AK7: variants seen among roughly 807,000 people sequenced by gnomAD.
AK7 encodes adenylate kinase 7.
AK7 carries 78 observed loss-of-function variants against 96.6 expected under a neutral mutation model. That is an observed-to-expected ratio of 0.81 (90% CI 0.67 to 0.97). The LOEUF is 0.97. Ranked by LOEUF, AK7 falls within the 50% of genes least tolerant of loss-of-function variation. AK7 has a pLI of 0.00. For synonymous variants in AK7, 302 were observed against 317.2 expected (o/e 0.95, Z 0.51); for missense variants, 855 against 887.9 (o/e 0.96, Z 0.47).
At chr14:96,432,176 C>T (rs1892386365) in intron 5 of AK7, among the ~76,000 whole-genome samples, 2 of 148,464 alleles carry the variant, frequency 1.3e-5, no homozygotes, top group African/African-American at 4.9e-5. Flanking sequence ...AGGTAATCCT[C>T]TCTCTCCCCA....
chr14:96,450,665 A>G (rs981113529), intron 9 of AK7, among the ~76,000 whole-genome samples: 1 of 151,970 alleles, frequency 6.6e-6, no homozygotes, highest in Non-Finnish European at 1.5e-5. Context: ...ATTGCATCTA[A>G]ACACTGCACT....
chr14:96,437,110 ATGT>A (rs2140081879), intron 5 of AK7, among the ~76,000 whole-genome samples: 1 of 152,072 alleles, frequency 6.6e-6, no homozygotes, highest in South Asian at 2.1e-4. Context: ...AGTACAAAAA[ATGT>A]TGGAAAGAAT....
intron 5 of AK7, among the ~76,000 whole-genome samples, chr14:96,437,541 T>TC (rs924261838): frequency 3.9e-5 from 6 of 152,060 alleles, no homozygotes. Flanking sequence ...CTTTCTCTTT[T>TC]CCCCCTCAGT....
At chr14:96,478,778 G>A in intron 15 of AK7, 116 bp downstream of exon 15, 1 of 1,018,240 alleles carries the variant, frequency 9.8e-7, no homozygotes. Flanking sequence ...CATGGGTTGG[G>A]GCACAGGAAG....
intron 4 of AK7, among the ~76,000 whole-genome samples, chr14:96,415,038 A>T (rs1246662226): frequency 1.3e-5 from 2 of 152,020 alleles, no homozygotes; most frequent in Non-Finnish European, 2.9e-5. Flanking sequence ...TACAGGTGTG[A>T]ATGACCGAAC....
rs375491888 is a variant in AK7, at chr14:96,444,068, C to T, written c.779+1250C>T. Among the ~76,000 whole-genome samples the T allele has an allele frequency of 9.6e-4, 146 of 152,256 alleles. No individual in the cohort carries two copies. In the South Asian group the frequency reaches 0.023, roughly 24 times the overall value. ...GGGATTACAGGCGTGAGCCACTGCG[C>T]CCGGCCCAAAAACTCATAATGTTTT... On this transcript the variant is annotated intron_variant, in intron 7 of 17. Coordinates refer to ENST00000267584, the MANE Select transcript of AK7 (RefSeq NM_152327.5).
chr14:96,458,512 C>G (rs188950463), intron 12 of AK7, among the ~76,000 whole-genome samples: 1 of 151,624 alleles, frequency 6.6e-6, no homozygotes, highest in Non-Finnish European at 1.5e-5. Context: ...GAGGCCGAGG[C>G]GGGTGGATCA....
chr14:96,461,791 G>A (rs1894263997), intron 12 of AK7, among the ~76,000 whole-genome samples: 1 of 152,084 alleles, frequency 6.6e-6, no homozygotes, highest in African/African-American at 2.4e-5. Context: ...TCGCCATGTT[G>A]GCCAGACTGG....
intron 3 of AK7, among the ~76,000 whole-genome samples, chr14:96,407,022 A>G (rs1890749879): frequency 6.6e-6 from 1 of 152,188 alleles, no homozygotes; most frequent in South Asian, 2.1e-4. Context: ...ATGTCTTAGA[A>G]TTCTCCTACC....
intron 5 of AK7, among the ~76,000 whole-genome samples, chr14:96,434,306 T>C (rs1241136684): frequency 2.6e-5 from 4 of 152,260 alleles, no homozygotes; most frequent in Non-Finnish European, 5.9e-5. Flanking sequence ...TGCAGACTCA[T>C]AGAGGTATCG....
chr14:96,397,310 A>C (rs1014289886), intron 1 of AK7, among the ~76,000 whole-genome samples: 5 of 151,852 alleles, frequency 3.3e-5, no homozygotes, highest in African/African-American at 1.2e-4. Flanking sequence ...GTGCAATGGC[A>C]CAATCTAGGC....
chr14:96,484,787 T>G (rs145852283), intron 16 of AK7, among the ~76,000 whole-genome samples: 1 of 152,364 alleles, frequency 6.6e-6, no homozygotes, highest in African/African-American at 2.4e-5. Flanking sequence ...TTTCTTGCCT[T>G]TTCTCTGCAC....
chr14:96,400,947 C>A (rs889477831), intron 2 of AK7, among the ~76,000 whole-genome samples: 2 of 152,212 alleles, frequency 1.3e-5, no homozygotes, highest in Non-Finnish European at 2.9e-5. Flanking sequence ...TATGCACTCG[C>A]CTTCCATCAA....
At chr14:96,412,922 A>G (rs574210314) in intron 4 of AK7, among the ~76,000 whole-genome samples, 1 of 152,218 alleles carries the variant, frequency 6.6e-6, no homozygotes, top group Non-Finnish European at 1.5e-5. Flanking sequence ...AAGAGTCACT[A>G]ACATAATAGG....
Position 96,442,811 on chromosome 14 carries a change from C to T in AK7, c.772C>T (p.Leu258=). The T allele has an allele frequency of 6.2e-7, 1 of 1,613,684 alleles. No individual in the cohort carries two copies. Among genetic ancestry groups the T allele is most frequent in the East Asian group, 2.2e-5 (1 of 44,882 alleles). ...NVIPTIHVLD[L]AGVIQNVIDH... ...AATTCCAACAATCCATGTTCTTGAT[C>T]TAGCAGGGTAAGCATTCGCCCAGAG... is the stretch of plus-strand genomic sequence containing the variant. Residue 258 remains leucine (L), a synonymous_variant, in exon 7 of 18, where the codon CTA becomes TTA. Transcript: ENST00000267584.
intron 12 of AK7, among the ~76,000 whole-genome samples, chr14:96,462,411 G>A (rs1294916680): frequency 6.6e-6 from 1 of 152,116 alleles, no homozygotes; most frequent in African/African-American, 2.4e-5. Flanking sequence ...TGGCACTGAG[G>A]TTACCTCACC....
intron 8 of AK7, among the ~76,000 whole-genome samples, chr14:96,447,370 C>T (rs1188276463): frequency 1.3e-5 from 2 of 152,022 alleles, no homozygotes; most frequent in Admixed American, 6.6e-5. Flanking sequence ...GCTGGAGTGC[C>T]GTGGTGTGAT....
chr14:96,455,179 A>C (rs1187247708), intron 10 of AK7, among the ~76,000 whole-genome samples: 1 of 152,058 alleles, frequency 6.6e-6, no homozygotes, highest in Admixed American at 6.6e-5. Context: ...AAATAGTAAC[A>C]ATAATAATAG....
At chr14:96,461,738 C>T (rs576127118) in intron 12 of AK7, among the ~76,000 whole-genome samples, 1 of 152,256 alleles carries the variant, frequency 6.6e-6, no homozygotes, top group African/African-American at 2.4e-5. Context: ...GCACACACCA[C>T]CATGGCCAGC....
Sources: gnomAD v4.1 joint callset for allele counts (sites outside exome capture counted in the v4.1 genomes callset) on GRCh38, gnomAD v4.1.1 for gene constraint, MANE v1.5 for transcripts, NCBI Gene and HGNC (gene_info 2026-07-23, HGNC 2026-07-21) for gene names.